The following PTPRD variants were observed in gnomAD, a reference collection of about 807,000 sequenced individuals.
PTPRD encodes the protein receptor-type tyrosine-protein phosphatase delta.
In PTPRD, 34 loss-of-function variants were observed where a neutral mutation model predicts 214.5. The ratio of observed to expected loss-of-function variants is 0.16; its 90% CI spans 0.12 to 0.21. PTPRD has a LOEUF of 0.21. Among genes scored for constraint, PTPRD ranks in the 10% least tolerant of loss-of-function variants. PTPRD has a pLI of 1.00. For missense variants in PTPRD, 2,545 were observed against 2,398.7 expected (o/e 1.06, Z -1.27); for synonymous variants, 1,128 against 845.7 (o/e 1.33, Z -5.79).
intron 5 of PTPRD, among the ~76,000 whole-genome samples, chr9:9,910,823 A>G (rs2078975552): frequency 6.6e-6 from 1 of 152,060 alleles, no homozygotes; most frequent in South Asian, 2.1e-4. Context: ...AATGGACTGA[A>G]TAATACTTGG....
intron 3 of PTPRD, among the ~76,000 whole-genome samples, chr9:10,267,105 C>T (rs1003711911): frequency 1.3e-5 from 2 of 150,440 alleles, no homozygotes; most frequent in African/African-American, 2.5e-5. Flanking sequence ...GCAGGAGAGT[C>T]GCCTGAACTC....
intron 7 of PTPRD, among the ~76,000 whole-genome samples, chr9:9,598,081 C>G (rs916360635): frequency 6.6e-6 from 1 of 151,986 alleles, no homozygotes; most frequent in East Asian, 1.9e-4. Flanking sequence ...AAACTGCACA[C>G]AGTTAGTACA....
chr9:9,951,042 G>A (rs1044600736), intron 4 of PTPRD, among the ~76,000 whole-genome samples: 2 of 152,144 alleles, frequency 1.3e-5, no homozygotes, highest in Non-Finnish European at 2.9e-5. Context: ...AGTAGCTGAG[G>A]TGATGATAAT....
chr9:9,803,017 A>G (rs1000207161), intron 5 of PTPRD, among the ~76,000 whole-genome samples: 8 of 151,950 alleles, frequency 5.3e-5, no homozygotes, highest in African/African-American at 1.9e-4. Flanking sequence ...GTTCCACAAA[A>G]TATTTTAATC....
chr9:9,655,281 T>C (rs1053149568), intron 7 of PTPRD, among the ~76,000 whole-genome samples: 7 of 152,092 alleles, frequency 4.6e-5, no homozygotes, highest in African/African-American at 1.7e-4. Flanking sequence ...GATTAAAAAA[T>C]GCTCAAGGCT....
At chr9:10,571,040 C>A (rs1341774443) in intron 2 of PTPRD, among the ~76,000 whole-genome samples, 3 of 152,058 alleles carry the variant, frequency 2.0e-5, no homozygotes, top group Admixed American at 2.0e-4. Flanking sequence ...TTCCATTAAT[C>A]TTCCTTACTA....
Position 9,019,317 on chromosome 9 carries a change from A to AAAGAAAGAAAGG in PTPRD, c.-142-583_-142-582insCCTTTCTTTCTT, listed in dbSNP as rs770073213. The stretch of plus-strand genomic sequence containing the variant: ...GAAAGAAAGAAAGAAAGAAAGAAAG[A>AAAGAAAGAAAGG]AAGAAAGAAAGAAAGAAAGAACGAA... On this transcript the variant is annotated intron_variant, in intron 10 of 45. Coordinates refer to ENST00000381196, the MANE Select transcript of PTPRD (RefSeq NM_002839.4). Among the ~76,000 whole-genome samples the AAAGAAAGAAAGG allele has an allele frequency of 5.9e-3, 692 of 116,894 alleles. 6 individuals are homozygous for AAAGAAAGAAAGG. The highest frequency in any genetic ancestry group is 8.8e-3 in the Middle Eastern group (2 of 226). The allele number at this position is 116,894 out of a possible 152,430, so 76.7% of individuals were successfully genotyped here.
rs2098396731 is a variant in PTPRD at position 8,713,728 on chromosome 9, C to A, written c.64+20052G>T. ...GATCGCGGCCAGCAAGTGACGCCGG[C>A]AGGCTGTCAAGCAGTTCCACGACTG... On this transcript the variant is annotated intron_variant, in intron 12 of 45. Transcript: ENST00000381196. 4.0e-6 allele frequency: 6 copies of A among 1,504,366 alleles called. No individual in the cohort carries two copies. In the Middle Eastern group the frequency reaches 9.4e-4, roughly 235 times the overall value. 93.2% of individuals were successfully genotyped at this position (1,504,366 alleles called of 1,614,324 possible).
At chr9:10,603,554 G>C (rs576857021) in intron 2 of PTPRD, among the ~76,000 whole-genome samples, 1 of 151,862 alleles carries the variant, frequency 6.6e-6, no homozygotes, top group East Asian at 1.9e-4. Flanking sequence ...ATTAACTTTA[G>C]GCAACTTAAC....
At chr9:8,938,185 G>T (rs1037272321) in intron 11 of PTPRD, among the ~76,000 whole-genome samples, 1 of 152,032 alleles carries the variant, frequency 6.6e-6, no homozygotes, top group Non-Finnish European at 1.5e-5. Context: ...TGAAGTATGT[G>T]GATGGTAGAG....
intron 8 of PTPRD, among the ~76,000 whole-genome samples, chr9:9,439,808 C>T (rs1488286158): frequency 6.6e-6 from 1 of 152,098 alleles, no homozygotes; most frequent in Non-Finnish European, 1.5e-5. Context: ...TTTTATCAAT[C>T]CAGTAATTCT....
intron 10 of PTPRD, among the ~76,000 whole-genome samples, chr9:9,045,417 G>A (rs915964527): frequency 2.7e-5 from 4 of 148,984 alleles, no homozygotes; most frequent in Non-Finnish European, 4.4e-5. Flanking sequence ...GGGGTAAGGT[G>A]GGTGAAGGGT....
chr9:8,927,740 G>C (rs1479064096), intron 11 of PTPRD, among the ~76,000 whole-genome samples: 1 of 152,134 alleles, frequency 6.6e-6, no homozygotes, highest in Non-Finnish European at 1.5e-5. Flanking sequence ...GGATTGCTGG[G>C]TCAAATGGTA....
Position 9,639,924 on chromosome 9 carries a change from T to C in PTPRD, c.-286-65143A>G, listed in dbSNP as rs555404237. Among the ~76,000 whole-genome samples the C allele has an allele frequency of 2.0e-5, 3 of 152,298 alleles. No individual in the cohort carries two copies. In the East Asian group the frequency reaches 5.8e-4, roughly 29 times the overall value. On this transcript the variant is annotated intron_variant, in intron 7 of 45. Coordinates refer to ENST00000381196, the MANE Select transcript of PTPRD (RefSeq NM_002839.4). ...ATGAAGAGATTATAGGAAAAGAAAATACAGGCTTTGTTCTGTAGAGTATGA... is the reference window on the plus strand; with the variant it reads ...ATGAAGAGATTATAGGAAAAGAAAACACAGGCTTTGTTCTGTAGAGTATGA...
intron 10 of PTPRD, among the ~76,000 whole-genome samples, chr9:9,021,067 A>C (rs1369389047): frequency 2.6e-5 from 4 of 152,324 alleles, no homozygotes; most frequent in Admixed American, 2.6e-4. Context: ...TTAACCTTTA[A>C]ATTATCCTCA....
At chr9:8,464,006 T>A (rs572247559) in intron 32 of PTPRD, among the ~76,000 whole-genome samples, 5 of 152,052 alleles carry the variant, frequency 3.3e-5, no homozygotes, top group African/African-American at 1.2e-4. Flanking sequence ...AGGGGCAACT[T>A]CATTAACAAA....
intron 10 of PTPRD, among the ~76,000 whole-genome samples, chr9:9,148,124 A>T (rs989183344): frequency 1.3e-5 from 2 of 152,216 alleles, no homozygotes; most frequent in African/African-American, 4.8e-5. Flanking sequence ...AATAAAGAAG[A>T]AAATTACGAG....
intron 5 of PTPRD, among the ~76,000 whole-genome samples, chr9:9,875,330 G>GT (rs1258090758): frequency 6.6e-6 from 1 of 151,914 alleles, no homozygotes; most frequent in Non-Finnish European, 1.5e-5. Context: ...AAGTTTTATT[G>GT]TACAGTACCC....
At chr9:9,394,866 C>T (rs576646514) in intron 9 of PTPRD, among the ~76,000 whole-genome samples, 370 of 152,186 alleles carry the variant, frequency 2.4e-3, no homozygotes, top group Middle Eastern at 3.4e-3. Flanking sequence ...CCACTCTACT[C>T]CTCCTTCCAT....
Sources: gnomAD v4.1 joint callset for allele counts (sites outside exome capture counted in the v4.1 genomes callset) on GRCh38, gnomAD v4.1.1 for gene constraint, MANE v1.5 for transcripts, NCBI Gene and HGNC (gene_info 2026-07-23, HGNC 2026-07-21) for gene names.